Variants in ANK3 observed in about 807,000 individuals in gnomAD.
The protein encoded by ANK3 is ankyrin 3, also known as ankyrin-3.
In ANK3, 57 loss-of-function variants were observed where a neutral mutation model predicts 370.9. The observed-to-expected ratio is 0.15, with a 90% CI of 0.12 to 0.19. The LOEUF (loss-of-function observed/expected upper bound fraction) is 0.19, where lower values mean the gene tolerates loss of function less well. Among genes scored for constraint, ANK3 ranks in the 10% least tolerant of loss-of-function variants. The probability of loss-of-function intolerance (pLI) is 1.00; values close to 1 mark genes in which losing one functional copy is unlikely to be tolerated. For missense variants in ANK3, 4,439 were observed against 5,302.1 expected (o/e 0.84, Z 5.06); for synonymous variants, 1,929 against 1,946.3 (o/e 0.99, Z 0.23).
chr10:60,580,126 T>G lies in ANK3; in HGVS notation c.96+35060A>C, dbSNP rs370919505. On this transcript the variant is annotated intron_variant, in intron 2 of 43. Coordinates refer to the ANK3 transcript ENST00000373827. ...GCTGGTAGAACACTCTTCATATTTC[T>G]TCACATTCTTCATATTCACTAATAA... Among the ~76,000 whole-genome samples, 177 of 152,356 alleles carry G rather than the reference T, an allele frequency of 1.2e-3. 1 individual carries two copies. The highest frequency in any genetic ancestry group is 8.4e-3 in the Admixed American group (128 of 15,306).
At chr10:60,177,167 C>G (rs957471576) in intron 18 of ANK3, among the ~76,000 whole-genome samples, 8 of 152,210 alleles carry the variant, frequency 5.3e-5, no homozygotes, top group Non-Finnish European at 1.2e-4. Flanking sequence ...GATTTCTCCT[C>G]TACCTTTGGA....
chr10:60,396,935 T>C (rs887371283), intron 2 of ANK3, among the ~76,000 whole-genome samples: 1 of 152,208 alleles, frequency 6.6e-6, no homozygotes, highest in African/African-American at 2.4e-5. Flanking sequence ...AAGTGATTGA[T>C]TTTTGCATCC....
chr10:60,668,668 C>T (rs2079028859), intron 1 of ANK3, among the ~76,000 whole-genome samples: 1 of 152,062 alleles, frequency 6.6e-6, no homozygotes, highest in Non-Finnish European at 1.5e-5. Context: ...CAGCTGTTAC[C>T]CTCCAGAAAG....
At chr10:60,059,286 T>C (rs2079856758) in intron 41 of ANK3, 54 bp downstream of exon 41, 10 of 1,461,992 alleles carry the variant, frequency 6.8e-6, no homozygotes, top group Non-Finnish European at 9.6e-6. Context: ...GTATTTAAGA[T>C]AAACTATTAA....
At chr10:60,458,031 A>G (rs956760895) in intron 2 of ANK3, among the ~76,000 whole-genome samples, 1 of 152,024 alleles carries the variant, frequency 6.6e-6, no homozygotes, top group Admixed American at 6.6e-5. Context: ...CCCTTTTTAT[A>G]AGGAATAAAA....
intron 1 of ANK3, among the ~76,000 whole-genome samples, chr10:60,292,990 T>C (rs999141734): frequency 1.2e-4 from 18 of 152,236 alleles, no homozygotes; most frequent in Admixed American, 6.5e-4. Flanking sequence ...ATTACAGGCA[T>C]GAGCCACCAA....
intron 42 of ANK3, among the ~76,000 whole-genome samples, chr10:60,046,028 G>A (rs1163025291): frequency 6.6e-6 from 1 of 151,882 alleles, no homozygotes; most frequent in Non-Finnish European, 1.5e-5. Flanking sequence ...TGGTATAGGT[G>A]GAATGAAAAT....
intron 1 of ANK3, among the ~76,000 whole-genome samples, chr10:60,696,304 G>A (rs1399231094): frequency 1.3e-5 from 2 of 149,346 alleles, no homozygotes; most frequent in East Asian, 1.9e-4. Context: ...TGGATTCACA[G>A]CCGAATTCTA....
chr10:60,689,249 A>C (rs1470951563), intron 1 of ANK3, among the ~76,000 whole-genome samples: 2 of 152,142 alleles, frequency 1.3e-5, no homozygotes, highest in African/African-American at 4.8e-5. Context: ...ACAATAAAAA[A>C]TTAGCCAGAT....
At chr10:60,171,535 TAA>T (rs2095794976) in intron 21 of ANK3, among the ~76,000 whole-genome samples, 1 of 152,198 alleles carries the variant, frequency 6.6e-6, no homozygotes. Flanking sequence ...TTTACTTTGT[TAA>T]GAGTCAACCT....
rs869144298 is a variant in ANK3, at chr10:60,246,255, CAAAAAAAAAAAAAAA to C, written c.799-11484_799-11470del. Among the ~76,000 whole-genome samples, 3 of 92,676 alleles carry C rather than the reference CAAAAAAAAAAAAAAA, an allele frequency of 3.2e-5. No homozygotes were observed. In the East Asian group the frequency reaches 9.1e-4, roughly 28 times the overall value. The allele number at this position is 92,676 out of a possible 152,430, so 60.8% of individuals were successfully genotyped here. A position where few individuals can be genotyped will look rare whatever the true frequency, so the allele number is the denominator to read the frequency against. ...TGGGCAACAGAGAGAAACCCTGTAT[CAAAAAAAAAAAAAAA>C]AAAAAAAAAAAGAAAAAAGAAAAAA... On this transcript the variant is annotated intron_variant, in intron 7 of 43. Coordinates refer to ENST00000280772, the MANE Select transcript of ANK3 (RefSeq NM_020987.5).
At chr10:60,532,941 G>T (rs2076641429) in intron 2 of ANK3, among the ~76,000 whole-genome samples, 1 of 151,996 alleles carries the variant, frequency 6.6e-6, no homozygotes, top group Non-Finnish European at 1.5e-5. Context: ...CCCTCAGGAG[G>T]ATGTAAGAAA....
chr10:60,255,923 C>T (rs1030976534), intron 7 of ANK3, among the ~76,000 whole-genome samples: 1 of 152,166 alleles, frequency 6.6e-6, no homozygotes, highest in Non-Finnish European at 1.5e-5. Context: ...GAGGCCTGGA[C>T]TCTGGCTAGG....
intron 1 of ANK3, among the ~76,000 whole-genome samples, chr10:60,381,719 C>A (rs2061575939): frequency 6.6e-6 from 1 of 152,128 alleles, no homozygotes; most frequent in Admixed American, 6.6e-5. Flanking sequence ...ATGCAAGGAA[C>A]CTGGCAAATG....
chr10:60,649,571 A>G (rs1475451843), intron 1 of ANK3, among the ~76,000 whole-genome samples: 2 of 152,178 alleles, frequency 1.3e-5, no homozygotes, highest in Non-Finnish European at 2.9e-5. Flanking sequence ...TTTGATACAC[A>G]TCTTTGAAAT....
chr10:60,108,257 G>A (rs1316588420), intron 27 of ANK3: 16 of 415,988 alleles, frequency 3.8e-5, no homozygotes. Flanking sequence ...CTCATTTACA[G>A]GGGGAGGATT....
At chr10:60,509,191 T>C (rs2076016509) in intron 2 of ANK3, among the ~76,000 whole-genome samples, 1 of 150,422 alleles carries the variant, frequency 6.6e-6, no homozygotes, top group African/African-American at 2.5e-5. Flanking sequence ...CAAACATTCC[T>C]CTTGTCTTGA....
rs143488263 is a variant in ANK3, at chr10:60,118,116, C to T, written c.2842-3785G>A. Among the ~76,000 whole-genome samples the T allele has an allele frequency of 3.0e-3, 458 of 152,280 alleles. 3 individuals carry two copies. Among genetic ancestry groups the T allele is most frequent in the African/African-American group, 0.01 (425 of 41,538 alleles). ...GTTATCAAAAATTATTCCAAGCACT[C>T]GTCTCTGGAAAGCAGAACTTGGGGA... On this transcript the variant is annotated intron_variant, in intron 25 of 43. Coordinates refer to ENST00000280772, the MANE Select transcript of ANK3 (RefSeq NM_020987.5).
intron 2 of ANK3, among the ~76,000 whole-genome samples, chr10:60,420,649 C>A (rs953408879): frequency 6.6e-6 from 1 of 151,916 alleles, no homozygotes; most frequent in Non-Finnish European, 1.5e-5. Context: ...CAAAATGAAC[C>A]ATTATTACAC....
Sources: gnomAD v4.1 joint callset for allele counts (sites outside exome capture counted in the v4.1 genomes callset) on GRCh38, gnomAD v4.1.1 for gene constraint, MANE v1.5 for transcripts, NCBI Gene and HGNC (gene_info 2026-07-23, HGNC 2026-07-21) for gene names.